The following SRGAP1 variants were observed in gnomAD, a reference collection of about 807,000 sequenced individuals.
The protein encoded by SRGAP1 is SLIT-ROBO Rho GTPase activating protein 1, also known as SLIT-ROBO Rho GTPase-activating protein 1.
A neutral mutation model predicts 121.9 loss-of-function variants in SRGAP1; 43 were observed. The observed-to-expected ratio is 0.35, with a 90% confidence interval of 0.28 to 0.46. SRGAP1 has a LOEUF of 0.46. SRGAP1 is among the 20% of genes least tolerant of loss of function. The probability of loss-of-function intolerance (pLI) is 1.00; values close to 1 mark genes in which losing one functional copy is unlikely to be tolerated. For missense variants in SRGAP1, 1,102 were observed against 1,350.9 expected, an observed-to-expected ratio of 0.82 and a Z score of 2.89; for synonymous variants, 447 against 485.4, an observed-to-expected ratio of 0.92 and a Z score of 1.04.
intron 1 of SRGAP1, among the ~76,000 whole-genome samples, chr12:63,851,010 G>C (rs1899056623): frequency 6.6e-6 from 1 of 151,636 alleles, no homozygotes; most frequent in Non-Finnish European, 1.5e-5. Context: ...ACAAAAATTA[G>C]CCGGGTGTGG....
intron 1 of SRGAP1, among the ~76,000 whole-genome samples, chr12:63,860,319 A>G (rs1269163082): frequency 2.6e-5 from 4 of 152,158 alleles, no homozygotes; most frequent in African/African-American, 9.7e-5. Context: ...CCTGGTATTT[A>G]CATTTTTTAA....
intron 21 of SRGAP1, among the ~76,000 whole-genome samples, chr12:64,135,702 G>T (rs1268128436): frequency 6.6e-6 from 1 of 151,900 alleles, no homozygotes; most frequent in Non-Finnish European, 1.5e-5. Context: ...GTATTTTTTG[G>T]TCTAATCATA....
rs1190212038 is a variant in SRGAP1, at chr12:64,147,471, C to T, written c.*4799C>T. The T allele has an allele frequency of 1.9e-5, 7 of 376,440 alleles. No individual in the cohort carries two copies. Among genetic ancestry groups the T allele is most frequent in the Non-Finnish European group, 2.4e-5 (5 of 211,954 alleles). The allele number at this position is 376,440 out of a possible 1,614,324, so 23.3% of individuals were successfully genotyped here. On this transcript the variant is annotated 3_prime_UTR_variant, in exon 22 of 22. Coordinates refer to ENST00000355086, the MANE Select transcript of SRGAP1 (RefSeq NM_020762.4). The stretch of plus-strand genomic sequence containing the variant: ...CTGTGCCTCGGTGCTCAGTAATGTC[C>T]CATCTCACCTCCCTGTCGGTCCTCA...
chr12:64,109,615 G>T (rs1171403890), intron 16 of SRGAP1, among the ~76,000 whole-genome samples: 1 of 152,044 alleles, frequency 6.6e-6, no homozygotes, highest in Non-Finnish European at 1.5e-5. Flanking sequence ...TTGATTTTCA[G>T]CTATGCTACT....
In SRGAP1 at chr12:64,088,297, G is replaced by A. The variant is rs1020879961; in HGVS notation, c.1436+1271G>A. Among the ~76,000 whole-genome samples the A allele has an allele frequency of 2.0e-5, 3 of 152,130 alleles. No homozygotes were observed. In the South Asian group the frequency reaches 6.2e-4, roughly 32 times the overall value. ...TATTACCTCGACCTGGTAATATGCAGCTTATAGAGATGTTTTTCACCTATA... is the reference window on the plus strand; with the variant it reads ...TATTACCTCGACCTGGTAATATGCAACTTATAGAGATGTTTTTCACCTATA... On this transcript the variant is annotated intron_variant, in intron 11 of 21. Coordinates refer to ENST00000355086, the MANE Select transcript of SRGAP1 (RefSeq NM_020762.4).
rs1467820133 is a variant in SRGAP1, at chr12:64,148,685, GA to G, written c.*6014del. On this transcript the variant is annotated 3_prime_UTR_variant, in exon 22 of 22. Transcript: ENST00000355086. ...TGTAAGTTGTGCAAGATTGAATATT[GA>G]TAAGATATAAAGTTTAAAAAATGAC... 1 of 152,188 alleles carries G rather than the reference GA, an allele frequency of 6.6e-6. No individual in the cohort carries two copies. 9.4% of individuals were successfully genotyped at this position (152,188 alleles called of 1,614,324 possible). A position where few individuals can be genotyped will look rare whatever the true frequency, so the allele number is the denominator to read the frequency against.
At chr12:63,968,845 C>A (rs1183745468) in intron 1 of SRGAP1, among the ~76,000 whole-genome samples, 2 of 152,214 alleles carry the variant, frequency 1.3e-5, no homozygotes, top group Non-Finnish European at 2.9e-5. Flanking sequence ...TGCTCGCTTG[C>A]CTCTGCTCAT....
chr12:64,037,105 C>G (rs1472165241), intron 4 of SRGAP1, among the ~76,000 whole-genome samples: 1 of 152,188 alleles, frequency 6.6e-6, no homozygotes, highest in African/African-American at 2.4e-5. Flanking sequence ...GAGATTTAAG[C>G]TTGCCATGGA....
At chr12:64,023,779 ACATTATCC>A (rs1050259202) in intron 4 of SRGAP1, among the ~76,000 whole-genome samples, 2 of 152,228 alleles carry the variant, frequency 1.3e-5, no homozygotes, top group African/African-American at 4.8e-5. Context: ...GAGGGCAAGC[ACATTATCC>A]CATTTATTTC....
intron 4 of SRGAP1, among the ~76,000 whole-genome samples, chr12:64,018,222 G>A (rs1165474219): frequency 6.6e-6 from 1 of 152,122 alleles, no homozygotes; most frequent in Non-Finnish European, 1.5e-5. Flanking sequence ...CAGAGTAGCT[G>A]GGATTACAGG....
At chr12:63,963,769 T>A (rs1176027953) in intron 1 of SRGAP1, among the ~76,000 whole-genome samples, 1 of 144,162 alleles carries the variant, frequency 6.9e-6, no homozygotes, top group African/African-American at 2.6e-5. Flanking sequence ...AGCTCCCTCA[T>A]GAGTAACATT....
At chr12:63,892,620 T>G (rs1900624574) in intron 1 of SRGAP1, among the ~76,000 whole-genome samples, 1 of 152,168 alleles carries the variant, frequency 6.6e-6, no homozygotes, top group African/African-American at 2.4e-5. Flanking sequence ...TAGCACCTGA[T>G]TTGCAAAACC....
intron 3 of SRGAP1, among the ~76,000 whole-genome samples, chr12:64,003,855 T>G (rs1203477891): frequency 6.6e-6 from 1 of 151,930 alleles, no homozygotes; most frequent in Non-Finnish European, 1.5e-5. Flanking sequence ...TTCAAGAAGC[T>G]CGGCAAAACC....
chr12:64,124,150 T>G (rs1355553797), intron 18 of SRGAP1, among the ~76,000 whole-genome samples: 1 of 152,256 alleles, frequency 6.6e-6, no homozygotes, highest in Non-Finnish European at 1.5e-5. Flanking sequence ...CTTTATATAA[T>G]AAGGTGAAGC....
intron 1 of SRGAP1, among the ~76,000 whole-genome samples, chr12:63,904,448 T>C (rs577275501): frequency 1.5e-4 from 23 of 152,302 alleles, no homozygotes; most frequent in African/African-American, 4.6e-4. Flanking sequence ...GACTATGAGA[T>C]GGAAGTCAGG....
chr12:64,101,915 A>G (rs1336810179), intron 15 of SRGAP1, among the ~76,000 whole-genome samples: 1 of 152,232 alleles, frequency 6.6e-6, no homozygotes, highest in Non-Finnish European at 1.5e-5. Flanking sequence ...TTTTCTTCCT[A>G]TCACAAAACC....
At chr12:64,062,364 A>G (rs1051469352) in intron 6 of SRGAP1, among the ~76,000 whole-genome samples, 1 of 152,118 alleles carries the variant, frequency 6.6e-6, no homozygotes, top group Non-Finnish European at 1.5e-5. Flanking sequence ...ATTCAGATTC[A>G]TTGCCCATTT....
chr12:64,020,841 C>CT (rs1468190599), intron 4 of SRGAP1, among the ~76,000 whole-genome samples: 3 of 86,072 alleles, frequency 3.5e-5, no homozygotes, highest in Non-Finnish European at 6.1e-5. Flanking sequence ...GAGACTCCGT[C>CT]TCAAAAAAAA....
intron 18 of SRGAP1, among the ~76,000 whole-genome samples, chr12:64,122,443 T>G (rs909995501): frequency 1.3e-5 from 2 of 152,202 alleles, no homozygotes; most frequent in Admixed American, 6.5e-5. Flanking sequence ...GAAATGGCTC[T>G]CACAGGAGTA....
Sources: allele counts gnomAD v4.1 joint callset (sites outside exome capture counted in the v4.1 genomes callset), GRCh38; gene constraint gnomAD v4.1.1; transcripts MANE v1.5; gene names NCBI Gene and HGNC (gene_info 2026-07-23, HGNC 2026-07-21).